Variants in COL23A1 observed in about 807,000 individuals in gnomAD.
The protein encoded by COL23A1 is collagen alpha-1(XXIII) chain.
Under a neutral mutation model 99.3 loss-of-function variants are expected in COL23A1, and 97 were observed. The observed-to-expected ratio is 0.98, with a 90% CI of 0.83 to 1.16. COL23A1 has a LOEUF of 1.16. COL23A1 is among the 50% of genes most tolerant of loss of function. COL23A1 has a pLI of 0.00. For missense variants in COL23A1, 762 were observed against 757.4 expected (o/e 1.01, Z -0.07); for synonymous variants, 320 against 308.2 (o/e 1.04, Z -0.40).
intron 2 of COL23A1, among the ~76,000 whole-genome samples, chr5:178,416,816 C>A (rs1221167937): frequency 6.6e-6 from 1 of 152,024 alleles, no homozygotes; most frequent in Non-Finnish European, 1.5e-5. Flanking sequence ...GCCCCCAGGG[C>A]AGGGGCTGCA....
chr5:178,435,885 G>T (rs1018006671), intron 2 of COL23A1, among the ~76,000 whole-genome samples: 2 of 152,218 alleles, frequency 1.3e-5, no homozygotes, highest in East Asian at 1.9e-4. Flanking sequence ...AGGTAGCACA[G>T]AAAATGTTGA....
intron 5 of COL23A1, among the ~76,000 whole-genome samples, chr5:178,286,294 G>A (rs1012689377): frequency 6.6e-6 from 1 of 152,130 alleles, no homozygotes; most frequent in Non-Finnish European, 1.5e-5. Flanking sequence ...CAGAGGAAGT[G>A]GGGGGGCTTG....
At chr5:178,258,262 T>TATATATATATATATATATATACACATAC in intron 12 of COL23A1, among the ~76,000 whole-genome samples, 4 of 104,126 alleles carry the variant, frequency 3.8e-5, no homozygotes, top group African/African-American at 1.2e-4. Context: ...TATATATATA[T>TATATATATATATATATATATACACATAC]ACACATGCAA....
intron 2 of COL23A1, among the ~76,000 whole-genome samples, chr5:178,351,697 C>G (rs149220850): frequency 6.6e-6 from 1 of 152,196 alleles, no homozygotes; most frequent in Non-Finnish European, 1.5e-5. Flanking sequence ...TCTTGGTGCA[C>G]AGCCTCTGGG....
At chr5:178,459,341 T>C (rs1581429047) in intron 2 of COL23A1, among the ~76,000 whole-genome samples, 1 of 152,200 alleles carries the variant, frequency 6.6e-6, no homozygotes, top group Non-Finnish European at 1.5e-5. Flanking sequence ...AGGTGGCTAA[T>C]AGGTGGGAAA....
chr5:178,483,093 A>C (rs1035497259), intron 2 of COL23A1, among the ~76,000 whole-genome samples: 5 of 152,210 alleles, frequency 3.3e-5, no homozygotes, highest in Non-Finnish European at 7.4e-5. Flanking sequence ...GAAAAAAAAA[A>C]CTAAAATGTC....
intron 2 of COL23A1, among the ~76,000 whole-genome samples, chr5:178,354,059 C>T (rs939069285): frequency 2.0e-5 from 3 of 151,988 alleles, no homozygotes; most frequent in Non-Finnish European, 4.4e-5. Context: ...GTGATTGGCA[C>T]CCAGGCAAGG....
intron 3 of COL23A1, among the ~76,000 whole-genome samples, chr5:178,302,894 A>G (rs1758148953): frequency 6.6e-6 from 1 of 152,230 alleles, no homozygotes; most frequent in Admixed American, 6.5e-5. Flanking sequence ...CAAGTCAAAT[A>G]GTGACAGTTC....
intron 2 of COL23A1, among the ~76,000 whole-genome samples, chr5:178,397,015 C>G (rs1353022819): frequency 6.6e-6 from 1 of 152,172 alleles, no homozygotes; most frequent in Admixed American, 6.5e-5. Flanking sequence ...GGAGTCAGAC[C>G]ATCAGCAGTC....
chr5:178,328,032 G>A (rs1759790927), intron 2 of COL23A1, among the ~76,000 whole-genome samples: 1 of 152,208 alleles, frequency 6.6e-6, no homozygotes, highest in South Asian at 2.1e-4. Flanking sequence ...TCCAGGCTCT[G>A]GCCAGGCCTG....
chr5:178,480,618 T>C (rs890820129), intron 2 of COL23A1, among the ~76,000 whole-genome samples: 2 of 152,220 alleles, frequency 1.3e-5, no homozygotes, highest in Admixed American at 6.5e-5. Context: ...TGTTGTCTCA[T>C]ATGCAGTCAG....
At chr5:178,574,995 C>T (rs990384773) in intron 1 of COL23A1, among the ~76,000 whole-genome samples, 1 of 152,178 alleles carries the variant, frequency 6.6e-6, no homozygotes, top group African/African-American at 2.4e-5. Flanking sequence ...AATCTTCATC[C>T]TGGTATCTTT....
At chr5:178,338,167 G>A (rs1760453596) in intron 2 of COL23A1, among the ~76,000 whole-genome samples, 1 of 152,200 alleles carries the variant, frequency 6.6e-6, no homozygotes, top group Non-Finnish European at 1.5e-5. Flanking sequence ...TTGGTATCAG[G>A]TGCTTCTGAA....
chr5:178,482,390 T>C (rs534249282), intron 2 of COL23A1, among the ~76,000 whole-genome samples: 3 of 152,238 alleles, frequency 2.0e-5, no homozygotes, highest in South Asian at 2.1e-4. Flanking sequence ...ATTCCTTTTA[T>C]ATGCAGTATC....
intron 3 of COL23A1, among the ~76,000 whole-genome samples, chr5:178,299,924 T>C (rs530748874): frequency 2.0e-5 from 3 of 151,406 alleles, no homozygotes; most frequent in East Asian, 2.0e-4. Context: ...CAGCTAATTT[T>C]TGTATTATTA....
intron 2 of COL23A1, among the ~76,000 whole-genome samples, chr5:178,461,224 T>C (rs1756104324): frequency 1.3e-5 from 2 of 152,094 alleles, no homozygotes; most frequent in African/African-American, 4.8e-5. Flanking sequence ...GGAGCATCAG[T>C]GTGTGCCCAG....
intron 2 of COL23A1, among the ~76,000 whole-genome samples, chr5:178,393,260 C>T (rs549693246): frequency 1.8e-4 from 27 of 152,132 alleles, no homozygotes; most frequent in Admixed American, 4.6e-4. Context: ...GAGGATGTTA[C>T]GCTAAATGAA....
intron 7 of COL23A1, 26 bp from the exon 8 acceptor site, chr5:178,267,359 A>G (rs1755961167): frequency 1.9e-6 from 3 of 1,612,820 alleles, no homozygotes; most frequent in Middle Eastern, 1.7e-4. Context: ...AGGGAGAGGC[A>G]TCACCACTGC....
intron 2 of COL23A1, among the ~76,000 whole-genome samples, chr5:178,357,099 T>C (rs370648563): frequency 1.3e-5 from 2 of 152,376 alleles, no homozygotes; most frequent in East Asian, 1.9e-4. Context: ...TTCCCTTTAC[T>C]CGATGCTGTT....
Sources: gnomAD v4.1 joint callset for allele counts (sites outside exome capture counted in the v4.1 genomes callset) on GRCh38, gnomAD v4.1.1 for gene constraint, MANE v1.5 for transcripts, NCBI Gene and HGNC (gene_info 2026-07-23, HGNC 2026-07-21) for gene names.